Variants in FREM2 observed in about 807,000 individuals in gnomAD.
The protein encoded by FREM2 is FRAS1 related extracellular matrix 2.
In FREM2, 119 loss-of-function variants were observed where a neutral mutation model predicts 219.9. That is an observed-to-expected ratio of 0.54 (90% CI 0.47 to 0.63). The LOEUF is 0.63. Among genes scored for constraint, FREM2 ranks in the 30% least tolerant of loss-of-function variants. The pLI is 0.00. For synonymous variants in FREM2, 1,562 were observed against 1,522.8 expected (o/e 1.03, Z -0.60); for missense variants, 4,030 against 3,993.6 (o/e 1.01, Z -0.25).
intron 6 of FREM2, among the ~76,000 whole-genome samples, chr13:38,811,166 T>G (rs1408501039): frequency 6.6e-6 from 1 of 152,086 alleles, no homozygotes; most frequent in Non-Finnish European, 1.5e-5. Context: ...TAATGCCTCC[T>G]TTTTCATCAC....
chr13:38,791,948 C>T (rs1874580062), intron 6 of FREM2, among the ~76,000 whole-genome samples: 1 of 152,288 alleles, frequency 6.6e-6, no homozygotes, highest in African/African-American at 2.4e-5. Context: ...GTAGCAAACC[C>T]TATTTTTTGT....
At position 38,689,481 on chromosome 13, in the gene FREM2, G is replaced by A. The variant is rs1165114031; in HGVS notation, c.2137G>A (p.Val713Ile). The change falls in exon 1 of 24, where the codon GTA becomes ATA. Residue 713 changes from valine (V) to isoleucine (I), a missense_variant. Val to Ile is a conservative substitution (Grantham distance 29, BLOSUM62 3). Coordinates refer to ENST00000280481, the MANE Select transcript of FREM2 (RefSeq NM_207361.6). ...CAGTGGCTGTCCCCTTCGTATGGTG[G>A]TACAGGAATCCCAGCTCACACCACT... ...LGSGCPLRMV[V>I]QESQLTPLRK... The A allele has an allele frequency of 6.2e-7, 1 of 1,614,000 alleles. No individual in the cohort carries two copies. The highest frequency in any genetic ancestry group is 1.7e-5 in the Admixed American group (1 of 60,012).
chr13:38,875,743 T>C (rs1379256774), intron 18 of FREM2, among the ~76,000 whole-genome samples: 7 of 152,184 alleles, frequency 4.6e-5, no homozygotes, highest in Non-Finnish European at 1.0e-4. Context: ...TTCTGTACAA[T>C]TATCTTTTGA....
intron 4 of FREM2, among the ~76,000 whole-genome samples, chr13:38,780,101 G>C (rs147914400): frequency 6.6e-6 from 1 of 151,958 alleles, no homozygotes; most frequent in South Asian, 2.1e-4. Context: ...ATTTCCATTC[G>C]GACCTCTCCA....
chr13:38,784,085 C>T (rs911436404), intron 5 of FREM2, among the ~76,000 whole-genome samples: 4 of 152,128 alleles, frequency 2.6e-5, no homozygotes, highest in Admixed American at 6.5e-5. Context: ...GGCAACAGAG[C>T]GAAACTCAGT....
intron 6 of FREM2, among the ~76,000 whole-genome samples, chr13:38,808,164 C>A (rs553297483): frequency 6.6e-6 from 1 of 152,078 alleles, no homozygotes; most frequent in East Asian, 2.0e-4. Flanking sequence ...TAGCTCCCAA[C>A]TTTTCTTCTG....
intron 4 of FREM2, among the ~76,000 whole-genome samples, chr13:38,779,089 T>C (rs1042504576): frequency 2.0e-5 from 3 of 152,106 alleles, no homozygotes; most frequent in African/African-American, 7.2e-5. Context: ...AAACTCATCT[T>C]AAAAATAAAC....
rs548838018 is a variant in FREM2, at chr13:38,846,594, A to T, written c.6041A>T (p.Asp2014Val). 2.5e-6 allele frequency: 4 copies of T among 1,613,708 alleles called. No homozygotes were observed. Among genetic ancestry groups the T allele is most frequent in the Middle Eastern group, 1.7e-4 (1 of 5,996 alleles). Reference sequence around the variant, plus strand: ...ACAGAACCCATCTTTTACTTCGGTGATGTGGAATACTCTGTGGATGAGAGT... The same window carrying T: ...ACAGAACCCATCTTTTACTTCGGTGTTGTGGAATACTCTGTGGATGAGAGT... ...KDDEPIFYFG[D>V]VEYSVDESAG... The change falls in exon 7 of 24, where the codon GAT becomes GTT. Residue 2014 changes from aspartate (D) to valine (V), a missense_variant. Transcript: ENST00000280481.
At chr13:38,733,130 G>A (rs1871835020) in intron 2 of FREM2, among the ~76,000 whole-genome samples, 1 of 152,088 alleles carries the variant, frequency 6.6e-6, no homozygotes, top group South Asian at 2.1e-4. Context: ...AGGATATTTT[G>A]CAGATCTATA....
chr13:38,753,280 A>T (rs2197885), intron 2 of FREM2, among the ~76,000 whole-genome samples: 140,585 of 152,246 alleles, frequency 0.92, 65,717 homozygotes, highest in Non-Finnish European at 1. Context: ...ACATATAATT[A>T]TACTTAATTT....
intron 2 of FREM2, among the ~76,000 whole-genome samples, chr13:38,721,346 G>C (rs1871239554): frequency 6.6e-6 from 1 of 152,144 alleles, no homozygotes; most frequent in Non-Finnish European, 1.5e-5. Flanking sequence ...AACATAGGTA[G>C]GGTCAGAGAT....
chr13:38,828,083 A>G (rs181314640), intron 6 of FREM2, among the ~76,000 whole-genome samples: 118 of 152,276 alleles, frequency 7.7e-4, no homozygotes, highest in Non-Finnish European at 1.5e-3. Context: ...CATACATCCA[A>G]TAACATGCAC....
At chr13:38,693,042 G>T (rs1040225461) in intron 1 of FREM2, among the ~76,000 whole-genome samples, 1 of 152,146 alleles carries the variant, frequency 6.6e-6, no homozygotes, top group Non-Finnish European at 1.5e-5. Flanking sequence ...GTAACTAAAA[G>T]ATTTGTTTAC....
At chr13:38,830,469 T>C (rs1876464366) in intron 6 of FREM2, among the ~76,000 whole-genome samples, 1 of 152,206 alleles carries the variant, frequency 6.6e-6, no homozygotes, top group South Asian at 2.1e-4. Context: ...TCCCACGGCT[T>C]ATGGTCTAAC....
chr13:38,835,372 CA>C (rs1245589396), intron 6 of FREM2, among the ~76,000 whole-genome samples: 1 of 152,188 alleles, frequency 6.6e-6, no homozygotes, highest in Non-Finnish European at 1.5e-5. Context: ...AATTTGAAGT[CA>C]GATAGTGTGA....
intron 1 of FREM2, among the ~76,000 whole-genome samples, chr13:38,695,796 T>G (rs537749862): frequency 6.6e-6 from 1 of 152,232 alleles, no homozygotes; most frequent in African/African-American, 2.4e-5. Flanking sequence ...ACATCATACA[T>G]GCAAAGGTAG....
At chr13:38,867,182 G>T (rs1877999215) in intron 16 of FREM2, among the ~76,000 whole-genome samples, 2 of 152,144 alleles carry the variant, frequency 1.3e-5, no homozygotes, top group South Asian at 4.1e-4. Context: ...TGCTAGAAAA[G>T]CTTATGTTCC....
chr13:38,779,228 G>C (rs991807565), intron 4 of FREM2, among the ~76,000 whole-genome samples: 10 of 151,940 alleles, frequency 6.6e-5, no homozygotes, highest in Admixed American at 2.0e-4. Context: ...GGCTTGTCGG[G>C]GGGTGGAGGG....
rs1322741827 is a variant in FREM2 at position 38,734,222 on chromosome 13, A to G, written c.5264-30082A>G. ...AAACAAAAAAGCAAAGAAACATAAC[A>G]AAATAACATGTGTTACCCTATCTCA... is the stretch of plus-strand genomic sequence containing the variant. On this transcript the variant is annotated intron_variant, in intron 2 of 23. Coordinates refer to ENST00000280481, the MANE Select transcript of FREM2 (RefSeq NM_207361.6). Among the ~76,000 whole-genome samples the G allele has an allele frequency of 2.0e-5, 3 of 152,106 alleles. No homozygotes were observed. In the South Asian group the frequency reaches 6.2e-4, roughly 31 times the overall value.
Sources: allele counts gnomAD v4.1 joint callset (sites outside exome capture counted in the v4.1 genomes callset), GRCh38; gene constraint gnomAD v4.1.1; transcripts MANE v1.5; gene names NCBI Gene and HGNC (gene_info 2026-07-23, HGNC 2026-07-21).